TECRL: variants seen among roughly 807,000 people sequenced by gnomAD.
TECRL encodes the protein trans-2,3-enoyl-CoA reductase-like.
TECRL carries 63 observed loss-of-function variants against 52.8 expected under a neutral mutation model. The observed-to-expected ratio is 1.19, with a 90% CI of 0.97 to 1.47. The LOEUF is 1.47. Among genes scored for constraint, TECRL ranks in the 40% most tolerant of loss-of-function variants. TECRL has a pLI of 0.00. For missense variants in TECRL, 482 were observed against 429.6 expected (o/e 1.12, Z -1.08); for synonymous variants, 164 against 141.9 (o/e 1.16, Z -1.10).
chr4:64,364,621 A>C (rs1560531471), intron 2 of TECRL, among the ~76,000 whole-genome samples: 1 of 152,054 alleles, frequency 6.6e-6, no homozygotes, highest in African/African-American at 2.4e-5. Context: ...ACTATTACAA[A>C]CACCTATGTG....
chr4:64,406,645 T>A (rs966092612), intron 1 of TECRL, among the ~76,000 whole-genome samples: 4 of 152,046 alleles, frequency 2.6e-5, no homozygotes, highest in Non-Finnish European at 5.9e-5. Context: ...ATTAACTTTA[T>A]TGATATGATT....
At chr4:64,336,873 C>G (rs959742499) in intron 2 of TECRL, among the ~76,000 whole-genome samples, 4 of 152,116 alleles carry the variant, frequency 2.6e-5, no homozygotes, top group Admixed American at 2.6e-4. Flanking sequence ...GTCTGAGAGA[C>G]AGTTTGTTAT....
At chr4:64,328,168 G>GA (rs1260780982) in intron 3 of TECRL, among the ~76,000 whole-genome samples, 1 of 151,846 alleles carries the variant, frequency 6.6e-6, no homozygotes, top group African/African-American at 2.4e-5. Context: ...AAAAGAAAAA[G>GA]AAAAAATTGA....
intron 1 of TECRL, among the ~76,000 whole-genome samples, 178 bp from the exon 2 acceptor site, chr4:64,375,401 A>G (rs183478132): frequency 4.6e-5 from 7 of 151,968 alleles, no homozygotes; most frequent in Admixed American, 2.0e-4. Context: ...CAGTAACAAT[A>G]TAATTTTTTA....
intron 6 of TECRL, among the ~76,000 whole-genome samples, chr4:64,305,447 GA>G (rs1724273591): frequency 6.6e-6 from 1 of 152,120 alleles, no homozygotes; most frequent in Non-Finnish European, 1.5e-5. Flanking sequence ...AGTGAGAGAG[GA>G]ACCAGGTAGG....
intron 2 of TECRL, among the ~76,000 whole-genome samples, chr4:64,353,472 G>T (rs1056081238): frequency 1.3e-5 from 2 of 152,150 alleles, no homozygotes; most frequent in Admixed American, 1.3e-4. Context: ...TGCAGATATA[G>T]TATGGTATAA....
At chr4:64,406,149 C>CGT (rs1263159668) in intron 1 of TECRL, among the ~76,000 whole-genome samples, 1 of 91,964 alleles carries the variant, frequency 1.1e-5, no homozygotes, top group Non-Finnish European at 2.5e-5. Flanking sequence ...ATTTGTTAGG[C>CGT]GCGCGCGCGC....
chr4:64,277,505 A>G (rs1292811710), downstream of TECRL, among the ~76,000 whole-genome samples: 1 of 151,796 alleles, frequency 6.6e-6, no homozygotes, highest in Non-Finnish European at 1.5e-5. Context: ...AGAAATTTTA[A>G]TAGTATGCTT....
At chr4:64,401,224 G>A (rs1724339630) in intron 1 of TECRL, among the ~76,000 whole-genome samples, 1 of 152,158 alleles carries the variant, frequency 6.6e-6, no homozygotes, top group Admixed American at 6.5e-5. Flanking sequence ...AAATGCCCTA[G>A]CAAGGCAATC....
intron 7 of TECRL, among the ~76,000 whole-genome samples, chr4:64,302,721 T>C (rs532545068): frequency 6.6e-6 from 1 of 151,378 alleles, no homozygotes; most frequent in Non-Finnish European, 1.5e-5. Context: ...AGCAGATGGG[T>C]TTAATGTGGC....
chr4:64,305,169 G>T lies in TECRL; in HGVS notation c.727C>A (p.Pro243Thr), dbSNP rs1724256758. ...YYINHPLYTP[P>T]SFGNRQITVS... ...GTTAAGAAGAAACCCTACATACATGGTGGTGTATATAGTGGATGATTAATG... is the reference window on the plus strand; with the variant it reads ...GTTAAGAAGAAACCCTACATACATGTTGGTGTATATAGTGGATGATTAATG... Residue 243 changes from proline (P) to threonine (T), a missense_variant, in exon 7 of 12, where the codon CCA becomes ACA. Pro to Thr is a conservative substitution (Grantham distance 38). Transcript: ENST00000381210. 2 of 1,607,972 alleles carry T rather than the reference G, an allele frequency of 1.2e-6. No homozygotes were observed. Among genetic ancestry groups the T allele is most frequent in the Non-Finnish European group, 1.7e-6 (2 of 1,175,896 alleles).
chr4:64,352,739 G>A (rs1384261195), intron 2 of TECRL, among the ~76,000 whole-genome samples: 1 of 152,142 alleles, frequency 6.6e-6, no homozygotes, highest in African/African-American at 2.4e-5. Context: ...CCACATGTAA[G>A]CACTTCTATG....
chr4:64,338,492 G>A (rs192686640), intron 2 of TECRL, among the ~76,000 whole-genome samples: 167 of 152,112 alleles, frequency 1.1e-3, no homozygotes, highest in East Asian at 6.2e-3. Flanking sequence ...AGAGTCAACC[G>A]GCAACCTACA....
chr4:64,284,911 G>T (rs1723007044), intron 9 of TECRL, among the ~76,000 whole-genome samples: 1 of 152,000 alleles, frequency 6.6e-6, no homozygotes. Context: ...AGAATAGTCT[G>T]GGAGGAAAGA....
intron 1 of TECRL, among the ~76,000 whole-genome samples, chr4:64,387,287 T>C (rs971097665): frequency 6.6e-6 from 1 of 152,126 alleles, no homozygotes; most frequent in African/African-American, 2.4e-5. Context: ...ACTGTCCCTG[T>C]GTAACAGTTT....
At chr4:64,338,880 C>T (rs1719331593) in intron 2 of TECRL, among the ~76,000 whole-genome samples, 1 of 152,108 alleles carries the variant, frequency 6.6e-6, no homozygotes, top group Non-Finnish European at 1.5e-5. Context: ...TGGGGCGATT[C>T]CTCAGGGATC....
chr4:64,284,750 C>G (rs1483369217), intron 9 of TECRL, among the ~76,000 whole-genome samples: 1 of 151,936 alleles, frequency 6.6e-6, no homozygotes, highest in Non-Finnish European at 1.5e-5. Context: ...AGTTGGATAC[C>G]CAACAATGCT....
chr4:64,407,577 G>C (rs2109800717), intron 1 of TECRL, among the ~76,000 whole-genome samples: 1 of 151,654 alleles, frequency 6.6e-6, no homozygotes, highest in Non-Finnish European at 1.5e-5. Context: ...GCCTGTCAGG[G>C]TCTATACACC....
intron 1 of TECRL, among the ~76,000 whole-genome samples, chr4:64,389,117 CT>C (rs1284599267): frequency 1.3e-5 from 2 of 151,778 alleles, no homozygotes; most frequent in Non-Finnish European, 2.9e-5. Context: ...TCTTTATTTC[CT>C]TTTTTTCACA....
Sources: gnomAD v4.1 joint callset for allele counts (sites outside exome capture counted in the v4.1 genomes callset) on GRCh38, gnomAD v4.1.1 for gene constraint, MANE v1.5 for transcripts, NCBI Gene and HGNC (gene_info 2026-07-23, HGNC 2026-07-21) for gene names.